MID2: variants seen among roughly 807,000 people sequenced by gnomAD.
The protein encoded by MID2 is midline 2, also known as probable E3 ubiquitin-protein ligase MID2.
Under a neutral mutation model 46.1 loss-of-function variants are expected in MID2, and 13 were observed. The observed-to-expected ratio is 0.28, with a 90% CI of 0.18 to 0.45. The LOEUF is 0.45. Ranked by LOEUF, MID2 falls within the 20% of genes least tolerant of loss-of-function variation. The pLI, the probability that MID2 is intolerant of heterozygous loss-of-function variation, is 1.00. For synonymous variants in MID2, 199 were observed against 212.3 expected, an observed-to-expected ratio of 0.94 and a Z score of 0.55; for missense variants, 431 against 575.4, an observed-to-expected ratio of 0.75 and a Z score of 2.57.
intron 3 of MID2, among the ~76,000 whole-genome samples, chrX:107,877,043 G>C (rs994783184): frequency 1.8e-5 from 2 of 111,588 alleles, no homozygotes; most frequent in Non-Finnish European, 3.8e-5. Flanking sequence ...TCCTGCTGGA[G>C]GTGTCTCTGG....
At chrX:107,851,851 T>C (rs1261504856) in intron 2 of MID2, among the ~76,000 whole-genome samples, 1 of 90,795 alleles carries the variant, frequency 1.1e-5, no homozygotes, top group Admixed American at 1.3e-4. Flanking sequence ...TATTTCTTTA[T>C]ACTTTTTATT....
chrX:107,892,144 C>T (rs754260510), intron 3 of MID2, among the ~76,000 whole-genome samples: 1 of 111,966 alleles, frequency 8.9e-6, no homozygotes, highest in Non-Finnish European at 1.9e-5. Flanking sequence ...TTATGTCAGA[C>T]TTGAGTACAG....
At chrX:107,878,237 C>T (rs910345773) in intron 3 of MID2, among the ~76,000 whole-genome samples, 2 of 110,416 alleles carry the variant, frequency 1.8e-5, no homozygotes, top group African/African-American at 6.6e-5. Flanking sequence ...GCCCTGGCTG[C>T]AGCTGTGATT....
chrX:107,905,312 C>T (rs1264321670), intron 4 of MID2, among the ~76,000 whole-genome samples, 166 bp from the exon 5 acceptor site: 1 of 110,939 alleles, frequency 9.0e-6, no homozygotes, highest in Non-Finnish European at 1.9e-5. Flanking sequence ...ACAAGAGACA[C>T]AGTGGGTAGG....
chrX:107,838,891 G>C (rs1315623842), intron 1 of MID2, among the ~76,000 whole-genome samples: 1 of 111,793 alleles, frequency 8.9e-6, no homozygotes, highest in Non-Finnish European at 1.9e-5. Flanking sequence ...CAGATTGCTT[G>C]AGCCCAGGAG....
intron 3 of MID2, among the ~76,000 whole-genome samples, chrX:107,868,688 G>A (rs1459830326): frequency 9.0e-6 from 1 of 111,546 alleles, no homozygotes; most frequent in African/African-American, 3.3e-5. Context: ...TGAGTGAGAA[G>A]GGAGGTAGTA....
chrX:107,923,099 T>G (rs1258918054), intron 7 of MID2, among the ~76,000 whole-genome samples: 1 of 112,175 alleles, frequency 8.9e-6, no homozygotes, highest in African/African-American at 3.2e-5. Context: ...TAACTTAGGC[T>G]CTTCAACTTC....
intron 2 of MID2, among the ~76,000 whole-genome samples, chrX:107,851,582 G>A (rs1035286240): frequency 1.8e-5 from 2 of 110,416 alleles, no homozygotes; most frequent in African/African-American, 6.6e-5. Flanking sequence ...TTGCTGCTAG[G>A]TTAATCTCCT....
intron 5 of MID2, among the ~76,000 whole-genome samples, chrX:107,908,378 A>C (rs1932854776): frequency 9.0e-6 from 1 of 111,320 alleles, no homozygotes; most frequent in Admixed American, 9.5e-5. Context: ...TTTGTTTTGC[A>C]GTCTTTTTAT....
Position 107,916,051 on chromosome X carries a change from T to C in MID2, c.1123T>C (p.Phe375Leu). The C allele has an allele frequency of 8.3e-7, 1 of 1,203,777 alleles. No individual in the cohort carries two copies. The highest frequency in any genetic ancestry group is 1.7e-5 in the African/African-American group (1 of 57,521). ...SSQVLIPDINFNDAFENFALD... is the reference protein window; with the variant it reads ...SSQVLIPDINLNDAFENFALD... ...TCAAGTTCTGATTCCAGACATCAAT[T>C]TTAATGATGCCTTTGAAAACTTTGC... The change falls in exon 6 of 10, where the codon TTT becomes CTT. Residue 375 changes from phenylalanine to leucine, a missense_variant. Physicochemically the swap from Phe to Leu is conservative, Grantham distance 22 (BLOSUM62 0). Transcript: ENST00000262843.
intron 5 of MID2, among the ~76,000 whole-genome samples, chrX:107,907,050 A>G (rs1014095452): frequency 3.6e-5 from 4 of 111,761 alleles, no homozygotes; most frequent in Admixed American, 2.8e-4. Context: ...TCTCTTTTCA[A>G]TATTCTCAAT....
Position 107,926,278 on chromosome X carries a change from G to A in MID2, c.1782G>A (p.Glu594=). The change falls in exon 9 of 10, where the codon GAG becomes GAA. Residue 594 remains glutamate, a synonymous_variant. Transcript: ENST00000262843. The stretch of plus-strand genomic sequence containing the variant: ...TTGACAGTGGCTGCCACTATTGGGA[G>A]GTGGTCATGGGTTCCTCAACATGGT... ...IFIDSGCHYW[E]VVMGSSTWYA... is the part of the protein sequence containing the mutation. 1 of 1,207,601 alleles carries A rather than the reference G, an allele frequency of 8.3e-7. No individual in the cohort carries two copies. The highest frequency in any genetic ancestry group is 1.1e-6 in the Non-Finnish European group (1 of 893,119).
chrX:107,885,635 C>T lies in MID2; in HGVS notation c.817-18323C>T, dbSNP rs187252547. ...GTTTTGTAATCCTTTGGGTATATACCCAGTAATGGGATGGCTGGGACAAAT... is the reference window on the plus strand; with the variant it reads ...GTTTTGTAATCCTTTGGGTATATACTCAGTAATGGGATGGCTGGGACAAAT... On this transcript the variant is annotated intron_variant, in intron 3 of 9. Transcript: ENST00000262843. 1.2e-3 allele frequency among the ~76,000 whole-genome samples: 137 copies of T among 110,827 alleles called. 2 individuals carry two copies. Among genetic ancestry groups the T allele is most frequent in the Non-Finnish European group, 2.1e-3 (111 of 52,750 alleles).
intron 3 of MID2, among the ~76,000 whole-genome samples, chrX:107,892,374 C>T (rs1385414112): frequency 8.9e-6 from 1 of 112,003 alleles, no homozygotes; most frequent in Non-Finnish European, 1.9e-5. Context: ...ACAGCCTGTG[C>T]AAACCTCTAT....
At chrX:107,866,422 A>AACACAC (rs57100746) in intron 3 of MID2, among the ~76,000 whole-genome samples, 6 of 81,190 alleles carry the variant, frequency 7.4e-5, no homozygotes, top group African/African-American at 2.3e-4. Flanking sequence ...AGCCACTGAA[A>AACACAC]ACACACACAC....
chrX:107,888,985 C>G (rs993071594), intron 3 of MID2, among the ~76,000 whole-genome samples: 2 of 111,413 alleles, frequency 1.8e-5, no homozygotes, highest in African/African-American at 6.5e-5. Context: ...AGATCTTCCT[C>G]CATCCCTTTA....
Position 107,840,676 on chromosome X carries a change from G to T in MID2, c.11G>T (p.Ser4Ile). The change falls in exon 2 of 10, where the codon AGC becomes ATC. Residue 4 changes from serine (S) to isoleucine (I), a missense_variant. By Grantham distance (142) the Ser-to-Ile change is moderately radical. Coordinates refer to ENST00000262843, the MANE Select transcript of MID2 (RefSeq NM_012216.4). ...TGCTTTGTATTCCTTGCAGGTGAAA[G>T]CCCAGCCTCCGTGGTTCTTAATGCC... MGE[S>I]PASVVLNASG... 5.8e-6 allele frequency: 7 copies of T among 1,205,496 alleles called. No individual in the cohort carries two copies. The highest frequency in any genetic ancestry group is 7.9e-6 in the Non-Finnish European group (7 of 890,523).
chrX:107,848,433 G>A (rs1228731161), intron 2 of MID2, among the ~76,000 whole-genome samples: 1 of 111,461 alleles, frequency 9.0e-6, no homozygotes, highest in Non-Finnish European at 1.9e-5. Context: ...ATCATGCTAT[G>A]CACCTGAAGA....
chrX:107,920,904 C>T (rs1933058983), intron 7 of MID2, among the ~76,000 whole-genome samples: 2 of 111,808 alleles, frequency 1.8e-5, no homozygotes, highest in African/African-American at 6.5e-5. Context: ...GGTCTTTCAC[C>T]TCTGAATTCT....
Sources: gnomAD v4.1 joint callset for allele counts (sites outside exome capture counted in the v4.1 genomes callset) on GRCh38, gnomAD v4.1.1 for gene constraint, MANE v1.5 for transcripts, NCBI Gene and HGNC (gene_info 2026-07-23, HGNC 2026-07-21) for gene names.